The following ITGA1 variants were observed in gnomAD, a reference collection of about 807,000 sequenced individuals.
The protein encoded by ITGA1 is integrin alpha-1.
In ITGA1, 85 loss-of-function variants were observed where a neutral mutation model predicts 145.9. The ratio of observed to expected loss-of-function variants is 0.58; its 90% CI spans 0.49 to 0.70. The LOEUF is 0.70. Among genes scored for constraint, ITGA1 ranks in the 30% least tolerant of loss-of-function variants. The pLI is 0.00. For synonymous variants in ITGA1, 520 were observed against 495.3 expected, an observed-to-expected ratio of 1.05 and a Z score of -0.66; for missense variants, 1,351 against 1,418.7, an observed-to-expected ratio of 0.95 and a Z score of 0.77.
At chr5:52,823,227 C>T (rs1229528712) in intron 1 of ITGA1, among the ~76,000 whole-genome samples, 1 of 152,154 alleles carries the variant, frequency 6.6e-6, no homozygotes, top group Non-Finnish European at 1.5e-5. Context: ...AATTTTTAGA[C>T]AGAGTTTTGC....
intron 11 of ITGA1, among the ~76,000 whole-genome samples, chr5:52,898,909 C>T (rs1370503068): frequency 6.6e-6 from 1 of 152,158 alleles, no homozygotes; most frequent in Admixed American, 6.5e-5. Context: ...AGTGATATAA[C>T]ATGATCTTGT....
At chr5:52,932,000 T>C in intron 21 of ITGA1, 47 bp from the exon 22 acceptor site, 1 of 1,101,072 alleles carries the variant, frequency 9.1e-7, no homozygotes, top group Non-Finnish European at 1.4e-6. Context: ...TGTCTTTAAA[T>C]AGTCAAGATT....
In ITGA1 at chr5:52,957,202, C is replaced by G. The variant is rs1014881113; in HGVS notation, c.*4751C>G. On this transcript the variant is annotated 3_prime_UTR_variant, in exon 29 of 29. Transcript: ENST00000282588. Reference sequence around the variant, plus strand: ...GCATCTGGAGTCTCTTAAGCCCCAGCCCTGTTGTCCCCTACAGCATCTCCA... The same window carrying G: ...GCATCTGGAGTCTCTTAAGCCCCAGGCCTGTTGTCCCCTACAGCATCTCCA... 1.3e-5 allele frequency: 2 copies of G among 152,256 alleles called. No homozygotes were observed. Among genetic ancestry groups the G allele is most frequent in the Admixed American group, 1.3e-4 (2 of 15,284 alleles). 9.4% of individuals were successfully genotyped at this position (152,256 alleles called of 1,614,324 possible).
chr5:52,846,526 C>T (rs932453004), intron 1 of ITGA1, among the ~76,000 whole-genome samples: 3 of 152,140 alleles, frequency 2.0e-5, no homozygotes, highest in Non-Finnish European at 2.9e-5. Flanking sequence ...TGTCATTAAC[C>T]GAAACATCAT....
chr5:52,885,723 A>G (rs2111810872), intron 7 of ITGA1, among the ~76,000 whole-genome samples: 1 of 152,336 alleles, frequency 6.6e-6, no homozygotes, highest in African/African-American at 2.4e-5. Flanking sequence ...ATGCAAAATC[A>G]AATTAAAGAA....
At chr5:52,938,258 T>C (rs1445954137) in intron 24 of ITGA1, among the ~76,000 whole-genome samples, 1 of 152,220 alleles carries the variant, frequency 6.6e-6, no homozygotes, top group Non-Finnish European at 1.5e-5. Context: ...CAAAATAGTA[T>C]AATTGTATTT....
intron 28 of ITGA1, among the ~76,000 whole-genome samples, chr5:52,949,334 C>T (rs1167865099): frequency 6.6e-6 from 1 of 152,126 alleles, no homozygotes; most frequent in Non-Finnish European, 1.5e-5. Flanking sequence ...GTATATTTCC[C>T]AAAGACACAT....
At chr5:52,807,981 A>G (rs951651513) in intron 1 of ITGA1, among the ~76,000 whole-genome samples, 1 of 152,202 alleles carries the variant, frequency 6.6e-6, no homozygotes, top group African/African-American at 2.4e-5. Context: ...GAAATTAGAT[A>G]TCAGCAGGAG....
intron 3 of ITGA1, among the ~76,000 whole-genome samples, chr5:52,863,290 G>A (rs1321936678): frequency 6.6e-6 from 1 of 152,090 alleles, no homozygotes; most frequent in Non-Finnish European, 1.5e-5. Flanking sequence ...CTAGTTATTT[G>A]GATAAAATAT....
At chr5:52,830,522 AT>A (rs1349672687) in intron 1 of ITGA1, among the ~76,000 whole-genome samples, 1 of 152,178 alleles carries the variant, frequency 6.6e-6, no homozygotes, top group Non-Finnish European at 1.5e-5. Context: ...TTTTAAGTTG[AT>A]TGTAGTTCAT....
intron 6 of ITGA1, among the ~76,000 whole-genome samples, chr5:52,869,531 G>A (rs75815694): frequency 5.9e-5 from 9 of 152,234 alleles, no homozygotes; most frequent in South Asian, 2.1e-4. Context: ...ATTAGTGTGC[G>A]TGAGTGTGTG....
intron 12 of ITGA1, among the ~76,000 whole-genome samples, chr5:52,906,437 T>C (rs112770908): frequency 6.6e-6 from 1 of 152,130 alleles, no homozygotes; most frequent in East Asian, 1.9e-4. Context: ...ATATTTAAAA[T>C]TGAAAAATTC....
At chr5:52,881,764 T>C in intron 6 of ITGA1, 109 bp from the exon 7 acceptor site, 1 of 960,032 alleles carries the variant, frequency 1.0e-6, no homozygotes, top group South Asian at 2.2e-5. Flanking sequence ...TACTGATAGG[T>C]TTGCAAACTC....
rs551400552 is a variant in ITGA1 at position 52,916,217 on chromosome 5, ACTGTT to A, written c.1988+629_1988+633del. Among the ~76,000 whole-genome samples the A allele has an allele frequency of 1.2e-4, 19 of 152,310 alleles. No homozygotes were observed. In the East Asian group the frequency reaches 3.7e-3, roughly 29 times the overall value. ...AAAAACTAAATATCCTATTTCAAAA[ACTGTT>A]CTGTTTGAAAGAAATTACTAGGAAG... On this transcript the variant is annotated intron_variant, in intron 15 of 28. Transcript: ENST00000282588.
intron 1 of ITGA1, among the ~76,000 whole-genome samples, chr5:52,795,179 T>A (rs1748317271): frequency 6.6e-6 from 1 of 151,934 alleles, no homozygotes; most frequent in African/African-American, 2.4e-5. Context: ...AATATGAGTA[T>A]GTGCCACTTG....
At chr5:52,927,794 A>T in intron 20 of ITGA1, 130 bp downstream of exon 20, 1 of 633,918 alleles carries the variant, frequency 1.6e-6, no homozygotes, top group South Asian at 2.1e-5. Flanking sequence ...CAAAATTGTG[A>T]CAGATTGGAA....
chr5:52,880,940 A>G (rs1409268742), intron 6 of ITGA1, among the ~76,000 whole-genome samples: 1 of 152,218 alleles, frequency 6.6e-6, no homozygotes, highest in Non-Finnish European at 1.5e-5. Flanking sequence ...TACTGGGGCC[A>G]GGAGGCAGGT....
chr5:52,842,731 G>C (rs1749275127), intron 1 of ITGA1, among the ~76,000 whole-genome samples: 1 of 148,840 alleles, frequency 6.7e-6, no homozygotes, highest in African/African-American at 2.5e-5. Flanking sequence ...TGTCACCCAG[G>C]CTGGAGTGCA....
In ITGA1 at chr5:52,954,260, AC is replaced by A. The variant is rs965149341; in HGVS notation, c.*1811del. ...CTCAGGGTTTCTCTTATTCAGAGTT[AC>A]CATGTTGCACACCCCCAGTGCTCAG... On this transcript the variant is annotated 3_prime_UTR_variant, in exon 29 of 29. Transcript: ENST00000282588. 1 of 152,162 alleles carries A rather than the reference AC, an allele frequency of 6.6e-6. No homozygotes were observed. Among genetic ancestry groups the A allele is most frequent in the Non-Finnish European group, 1.5e-5 (1 of 68,048 alleles). 9.4% of individuals were successfully genotyped at this position (152,162 alleles called of 1,614,324 possible). A position where few individuals can be genotyped will look rare whatever the true frequency, so the allele number is the denominator to read the frequency against.
Sources: gnomAD v4.1 joint callset for allele counts (sites outside exome capture counted in the v4.1 genomes callset) on GRCh38, gnomAD v4.1.1 for gene constraint, MANE v1.5 for transcripts, NCBI Gene and HGNC (gene_info 2026-07-23, HGNC 2026-07-21) for gene names.